CNTFR: variants seen among roughly 807,000 people sequenced by gnomAD.
CNTFR encodes ciliary neurotrophic factor receptor subunit alpha.
CNTFR carries 12 observed loss-of-function variants against 40.4 expected under a neutral mutation model. That is an observed-to-expected ratio of 0.30 (90% CI 0.19 to 0.48). CNTFR has a LOEUF of 0.48. Ranked by LOEUF, CNTFR falls within the 20% of genes least tolerant of loss-of-function variation. CNTFR has a pLI of 0.99. For synonymous variants in CNTFR, 202 were observed against 209.6 expected (o/e 0.96, Z 0.31); for missense variants, 414 against 506.8 (o/e 0.82, Z 1.76).
Position 34,564,837 on chromosome 9 carries a change from G to T in CNTFR, c.86-5C>A, listed in dbSNP as rs763297645. On this transcript the variant is annotated splice_polypyrimidine_tract_variant and splice_region_variant and intron_variant, in intron 3 of 9. Transcript: ENST00000378980. ...CGTACTGCACATGGGGTGCCTCTGT[G>T]GGGGGTGGGGGCACAGGGCAAAAGT... 68 of 1,611,596 alleles carry T rather than the reference G, an allele frequency of 4.2e-5. No homozygotes were observed. The highest frequency in any genetic ancestry group is 5.0e-5 in the Non-Finnish European group (59 of 1,179,330).
In CNTFR at chr9:34,557,838, G is replaced by T. The variant is rs1167709032; in HGVS notation, c.437+29C>A. ...GGGGGAGAGGTCAGAGGTCAGGGCT[G>T]GACCCGGGTCACAGGCGCAGCTACT... is the stretch of plus-strand genomic sequence containing the variant. On this transcript the variant is annotated intron_variant, in intron 5 of 9. Coordinates refer to ENST00000378980, the MANE Select transcript of CNTFR (RefSeq NM_147164.3). The surrounding 1 kb of genome is among the most constrained non-coding windows in gnomAD (Gnocchi z 4.2). The T allele has an allele frequency of 1.3e-6, 2 of 1,551,686 alleles. No homozygotes were observed. The highest frequency in any genetic ancestry group is 4.5e-5 in the East Asian group (2 of 44,280).
chr9:34,566,255 C>T (rs1826287514), intron 3 of CNTFR, among the ~76,000 whole-genome samples: 1 of 152,142 alleles, frequency 6.6e-6, no homozygotes, highest in African/African-American at 2.4e-5. Context: ...CTCTCTGTGA[C>T]TCCGGGTCTC....
intron 2 of CNTFR, among the ~76,000 whole-genome samples, chr9:34,577,903 A>C (rs1429554447): frequency 3.3e-5 from 5 of 151,258 alleles, no homozygotes; most frequent in African/African-American, 4.9e-5. Context: ...GAGGCCGAGA[A>C]AGGAGCGGGA....
rs943073887 is a variant in CNTFR, at chr9:34,552,573, G to A, written c.949+101C>T. ...GACAGGCAGAAGTGTGGCTACCCCC[G>A]GGAGCAGAGGCTGGAGGCAGCAGGG... On this transcript the variant is annotated intron_variant, in intron 8 of 9. Coordinates refer to ENST00000378980, the MANE Select transcript of CNTFR (RefSeq NM_147164.3). This position sits in a 1 kb window ranked among gnomAD's most constrained non-coding sequence, Gnocchi z 5.1. The A allele has an allele frequency of 3.5e-5, 45 of 1,284,836 alleles. 1 individual carries two copies. Among genetic ancestry groups the A allele is most frequent in the South Asian group, 3.2e-4 (22 of 68,892 alleles). The allele number at this position is 1,284,836 out of a possible 1,614,324, so 79.6% of individuals were successfully genotyped here.
chr9:34,555,316 A>T (rs1192104161), intron 7 of CNTFR, among the ~76,000 whole-genome samples: 1 of 152,108 alleles, frequency 6.6e-6, no homozygotes, highest in Non-Finnish European at 1.5e-5. Flanking sequence ...GCCGGACTGG[A>T]TAGGGGCATG....
chr9:34,572,436 C>T (rs1198985458), intron 2 of CNTFR, among the ~76,000 whole-genome samples: 4 of 152,136 alleles, frequency 2.6e-5, no homozygotes, highest in Admixed American at 6.5e-5. Flanking sequence ...AAGGGCTCTG[C>T]AAATTAGCCC....
Position 34,552,839 on chromosome 9 carries a change from C to T in CNTFR, c.784G>A (p.Gly262Ser), listed in dbSNP as rs757581801. The T allele has an allele frequency of 2.7e-5, 44 of 1,611,714 alleles. No homozygotes were observed. Among genetic ancestry groups the T allele is most frequent in the Middle Eastern group, 3.3e-4 (2 of 6,078 alleles). The change falls in exon 8 of 10, where the codon GGC (glycine) becomes AGC (serine). Residue 262 changes from glycine to serine, a missense_variant. Coordinates refer to ENST00000378980, the MANE Select transcript of CNTFR (RefSeq NM_147164.3). The surrounding 1 kb of genome is among the most constrained non-coding windows in gnomAD (Gnocchi z 5.1). Reference sequence around the variant, plus strand: ...GCATCTGTGATGGTGTGTGCTGTGCCGTCGGACAGCTCCACCTGCAGCCAG... The same window carrying T: ...GCATCTGTGATGGTGTGTGCTGTGCTGTCGGACAGCTCCACCTGCAGCCAG... ...DQWQHVELSD[G>S]TAHTITDAYA...
chr9:34,584,884 G>A (rs891741761), intron 1 of CNTFR, among the ~76,000 whole-genome samples: 2 of 152,144 alleles, frequency 1.3e-5, no homozygotes, highest in African/African-American at 4.8e-5. Flanking sequence ...CTCCTTCCCT[G>A]AGTGAAGGAA....
intron 4 of CNTFR, among the ~76,000 whole-genome samples, chr9:34,563,895 G>A (rs139209133): frequency 4.6e-5 from 7 of 152,186 alleles, no homozygotes; most frequent in African/African-American, 1.7e-4. Flanking sequence ...CACTCAGAGT[G>A]ATCTTTTAAG....
At chr9:34,562,592 C>G (rs16931623) in intron 4 of CNTFR, among the ~76,000 whole-genome samples, 29,404 of 152,126 alleles carry the variant, frequency 0.19, 3,258 homozygotes, top group African/African-American at 0.29. Context: ...GACAGCGAGG[C>G]AAGTGTCTGC....
At chr9:34,559,662 G>T (rs1047120666) in intron 4 of CNTFR, among the ~76,000 whole-genome samples, 10 of 151,882 alleles carry the variant, frequency 6.6e-5, no homozygotes, top group African/African-American at 1.2e-4. Flanking sequence ...TGCCTTCTGG[G>T]GGCCTGTTGG....
At chr9:34,575,021 C>T (rs921119757) in intron 2 of CNTFR, among the ~76,000 whole-genome samples, 4 of 152,226 alleles carry the variant, frequency 2.6e-5, no homozygotes, top group Non-Finnish European at 5.9e-5. Context: ...TATGCACATA[C>T]ATGCAGGCCT....
chr9:34,555,902 C>T (rs1195840758), intron 7 of CNTFR, among the ~76,000 whole-genome samples: 5 of 143,150 alleles, frequency 3.5e-5, no homozygotes, highest in African/African-American at 5.4e-5. Context: ...CTCCCTCCCC[C>T]GCCATCTCCC....
intron 1 of CNTFR, among the ~76,000 whole-genome samples, chr9:34,588,434 C>T (rs972230563): frequency 1.3e-5 from 2 of 152,182 alleles, no homozygotes; most frequent in Non-Finnish European, 2.9e-5. Flanking sequence ...ATTTCACACT[C>T]GCACCACCTC....
In CNTFR at chr9:34,577,683, C is replaced by T. The variant is rs146928935; in HGVS notation, c.-1+3412G>A. On this transcript the variant is annotated intron_variant, in intron 2 of 9. Coordinates refer to ENST00000378980, the MANE Select transcript of CNTFR (RefSeq NM_147164.3). Reference sequence around the variant, plus strand: ...TCCACTCAGGCGGTGGTCCCCTCCCCCAGGCCAATGGACACAGCCAGAGCC... The same window carrying T: ...TCCACTCAGGCGGTGGTCCCCTCCCTCAGGCCAATGGACACAGCCAGAGCC... Among the ~76,000 whole-genome samples, 436 of 152,338 alleles carry T rather than the reference C, an allele frequency of 2.9e-3. 1 individual carries two copies. The highest frequency in any genetic ancestry group is 9.9e-3 in the African/African-American group (412 of 41,570).
intron 2 of CNTFR, among the ~76,000 whole-genome samples, chr9:34,578,612 G>T (rs1041033947): frequency 2.6e-5 from 4 of 152,204 alleles, no homozygotes; most frequent in Non-Finnish European, 5.9e-5. Flanking sequence ...CGGGGTGACC[G>T]CCACACCTCA....
chr9:34,578,362 G>A (rs1471229568), intron 2 of CNTFR, among the ~76,000 whole-genome samples: 1 of 152,214 alleles, frequency 6.6e-6, no homozygotes, highest in East Asian at 1.9e-4. Flanking sequence ...GAGTCAGGAG[G>A]AGATGTGGCA....
At chr9:34,559,925 GTCCCCTTCCAACCTCCCCCTCAC>G (rs1826002753) in intron 4 of CNTFR, among the ~76,000 whole-genome samples, 1 of 152,010 alleles carries the variant, frequency 6.6e-6, no homozygotes, top group South Asian at 2.1e-4. Context: ...CTCAGACCGC[GTCCCCTTCCAACCTCCCCCTCAC>G]GCCAGTTCCT....
intron 1 of CNTFR, among the ~76,000 whole-genome samples, chr9:34,587,491 T>C (rs1827594437): frequency 6.6e-6 from 1 of 152,040 alleles, no homozygotes; most frequent in Admixed American, 6.5e-5. Flanking sequence ...GAGCTCCAGG[T>C]TACCCATGGA....
Sources: allele counts gnomAD v4.1 joint callset (sites outside exome capture counted in the v4.1 genomes callset), GRCh38; gene constraint gnomAD v4.1.1; non-coding constraint Gnocchi (gnomAD v3.1); transcripts MANE v1.5; gene names NCBI Gene and HGNC (gene_info 2026-07-23, HGNC 2026-07-21).